JAKMIP3: variants seen among roughly 807,000 people sequenced by gnomAD.
JAKMIP3 encodes janus kinase and microtubule-interacting protein 3.
Under a neutral mutation model 118.5 loss-of-function variants are expected in JAKMIP3, and 58 were observed. That is an observed-to-expected ratio of 0.49 (90% CI 0.40 to 0.61). The LOEUF is 0.61. Ranked by LOEUF, JAKMIP3 falls within the 20% of genes least tolerant of loss-of-function variation. The pLI is 0.00. For synonymous variants in JAKMIP3, 486 were observed against 451.2 expected, an observed-to-expected ratio of 1.08 and a Z score of -0.98; for missense variants, 950 against 1,109.0, an observed-to-expected ratio of 0.86 and a Z score of 2.04.
chr10:132,087,710 ATT>A (rs1054415860), intron 1 of JAKMIP3, among the ~76,000 whole-genome samples: 1 of 142,876 alleles, frequency 7.0e-6, no homozygotes. Flanking sequence ...TGAAGTCTTG[ATT>A]TTTTTTTTTT....
chr10:132,134,995 A>G, intron 4 of JAKMIP3, 46 bp from the exon 5 acceptor site: 1 of 1,599,356 alleles, frequency 6.3e-7, no homozygotes, highest in Middle Eastern at 1.7e-4. Flanking sequence ...AAGGCTTCCC[A>G]GGCTTGTGGG....
upstream of JAKMIP3, among the ~76,000 whole-genome samples, chr10:132,065,544 C>T (rs7902748): frequency 0.51 from 77,711 of 151,618 alleles, 20,260 homozygotes; most frequent in Admixed American, 0.63. This position sits in a 1 kb window ranked among gnomAD's most constrained non-coding sequence, Gnocchi z 5.6. Context: ...GCCGAGGGGG[C>T]GGTGAGGGCA....
rs548506144 is a variant in JAKMIP3, at chr10:132,112,001, G to C, written c.136-5076G>C. On this transcript the variant is annotated intron_variant, in intron 2 of 23. Transcript: ENST00000684848. The surrounding 1 kb of genome is among the most constrained non-coding windows in gnomAD (Gnocchi z 4.3). Reference sequence around the variant, plus strand: ...GGTGTGTGGAACTGCTCTGGGACACGGGGGAGAGGAGCCAGGAGGTGTTGG... The same window carrying C: ...GGTGTGTGGAACTGCTCTGGGACACCGGGGAGAGGAGCCAGGAGGTGTTGG... Among the ~76,000 whole-genome samples, 24 of 152,150 alleles carry C rather than the reference G, an allele frequency of 1.6e-4. No homozygotes were observed. Among genetic ancestry groups the C allele is most frequent in the Non-Finnish European group, 3.1e-4 (21 of 67,998 alleles).
At chr10:132,132,038 A>G (rs530263730) in intron 3 of JAKMIP3, among the ~76,000 whole-genome samples, 10 of 152,318 alleles carry the variant, frequency 6.6e-5, no homozygotes, top group African/African-American at 2.2e-4. Flanking sequence ...GCTGATGGAC[A>G]CGCTCTTATT....
In JAKMIP3 at chr10:132,166,309, G is replaced by A. The variant is rs1036399449; in HGVS notation, c.2491-674G>A. On this transcript the variant is annotated intron_variant, in intron 21 of 23. Coordinates refer to ENST00000684848, the MANE Select transcript of JAKMIP3 (RefSeq NM_001323087.2). ...TCACTGCACTCCAGACTGGGTGACC[G>A]ACTGAGATCCTGTCTCCAAAGAAAA... is the stretch of plus-strand genomic sequence containing the variant. Among the ~76,000 whole-genome samples the A allele has an allele frequency of 5.9e-5, 9 of 152,136 alleles. No individual in the cohort carries two copies. The East Asian group carries it at 7.7e-4, about 13-fold the overall frequency.
chr10:132,064,459 C>G (rs1227139491), upstream of JAKMIP3, among the ~76,000 whole-genome samples: 1 of 152,138 alleles, frequency 6.6e-6, no homozygotes, highest in African/African-American at 2.4e-5. The surrounding 1 kb of genome is among the most constrained non-coding windows in gnomAD (Gnocchi z 4.4). Flanking sequence ...GCATGGGAAC[C>G]CTCTTTGCTT....
intron 19 of JAKMIP3, among the ~76,000 whole-genome samples, chr10:132,155,421 C>G (rs1264148356): frequency 6.6e-6 from 1 of 152,244 alleles, no homozygotes; most frequent in Non-Finnish European, 1.5e-5. Flanking sequence ...GCCATGACTG[C>G]TGCACTAGGC....
Position 132,087,640 on chromosome 10 carries a change from A to G in JAKMIP3, c.-137-17032A>G, listed in dbSNP as rs1318179504. On this transcript the variant is annotated intron_variant, in intron 1 of 23. Transcript: ENST00000684848. Reference sequence around the variant, plus strand: ...TGAAGTTCTTTCTTCTGCTTGTTTGATTCTATTGCTGAGACTTTCCAGAGC... The same window carrying G: ...TGAAGTTCTTTCTTCTGCTTGTTTGGTTCTATTGCTGAGACTTTCCAGAGC... 2.0e-5 allele frequency among the ~76,000 whole-genome samples: 3 copies of G among 150,172 alleles called. No individual in the cohort carries two copies. In the East Asian group the frequency reaches 5.9e-4, roughly 29 times the overall value.
At chr10:132,101,737 G>C (rs367651294) in intron 1 of JAKMIP3, among the ~76,000 whole-genome samples, 2 of 152,088 alleles carry the variant, frequency 1.3e-5, no homozygotes, top group Admixed American at 6.5e-5. Context: ...CCTGTGTCTC[G>C]GGGGCTGTCT....
chr10:132,076,798 CG>C (rs2040869380), intron 1 of JAKMIP3, among the ~76,000 whole-genome samples: 1 of 142,372 alleles, frequency 7.0e-6, no homozygotes, highest in Non-Finnish European at 1.5e-5. Context: ...GGCTGGCCTG[CG>C]GTGGCCCCAG....
At chr10:132,132,727 C>T (rs1048846540) in intron 3 of JAKMIP3, among the ~76,000 whole-genome samples, 1 of 152,218 alleles carries the variant, frequency 6.6e-6, no homozygotes, top group African/African-American at 2.4e-5. Context: ...TGCCCAGAAG[C>T]ATGGAGGGGC....
chr10:132,041,593 C>T (rs529469493), intron 1 of JAKMIP3, among the ~76,000 whole-genome samples: 19 of 152,344 alleles, frequency 1.2e-4, no homozygotes, highest in South Asian at 6.2e-4. Flanking sequence ...CCAGCAAGGC[C>T]GACACCCCCA....
In JAKMIP3 at chr10:132,120,267, G is replaced by T. The variant is rs2048337380; in HGVS notation, c.633+2693G>T. ...ACCAGTGTTGCCCGTGAGAGCCCCT[G>T]CCCCACCACCAACATCCAGGAACTC... On this transcript the variant is annotated intron_variant, in intron 3 of 23. Coordinates refer to ENST00000684848, the MANE Select transcript of JAKMIP3 (RefSeq NM_001323087.2). Among the ~76,000 whole-genome samples the T allele has an allele frequency of 2.0e-5, 3 of 152,190 alleles. No homozygotes were observed. The South Asian group carries it at 6.2e-4, about 32-fold the overall frequency.
At chr10:132,100,024 C>T (rs1044438040) in intron 1 of JAKMIP3, among the ~76,000 whole-genome samples, 1 of 152,220 alleles carries the variant, frequency 6.6e-6, no homozygotes, top group African/African-American at 2.4e-5. Flanking sequence ...GAGGGGCTGG[C>T]ACAGTGCTGT....
intron 1 of JAKMIP3, among the ~76,000 whole-genome samples, chr10:132,101,404 A>C (rs2044885350): frequency 1.3e-5 from 2 of 152,222 alleles, no homozygotes; most frequent in Non-Finnish European, 2.9e-5. Flanking sequence ...TGCTACGAAC[A>C]GTGGGTTAAT....
At position 132,179,310 on chromosome 10, in the gene JAKMIP3, G is replaced by A. The variant is rs1028921217; in HGVS notation, c.*1104-3047G>A. Reference sequence around the variant, plus strand: ...GCTGTATTTGTTGACGGGACTTTTGGGCTCCCCGGGCTCTGAGCTGGTTGG... The same window carrying A: ...GCTGTATTTGTTGACGGGACTTTTGAGCTCCCCGGGCTCTGAGCTGGTTGG... On this transcript the variant is annotated intron_variant, in intron 23 of 23. Transcript: ENST00000684848. The surrounding 1 kb of genome is among the most constrained non-coding windows in gnomAD (Gnocchi z 4.3). Among the ~76,000 whole-genome samples, 9 of 152,072 alleles carry A rather than the reference G, an allele frequency of 5.9e-5. No homozygotes were observed. The highest frequency in any genetic ancestry group is 1.0e-4 in the Non-Finnish European group (7 of 68,016).
intron 1 of JAKMIP3, among the ~76,000 whole-genome samples, chr10:132,089,108 T>C (rs1256945620): frequency 6.6e-6 from 1 of 152,220 alleles, no homozygotes; most frequent in Non-Finnish European, 1.5e-5. Flanking sequence ...TTGGTTACTC[T>C]AGCCTTGTAG....
At chr10:132,171,841 G>T (rs914401123) in intron 23 of JAKMIP3, among the ~76,000 whole-genome samples, 1 of 152,006 alleles carries the variant, frequency 6.6e-6, no homozygotes. Flanking sequence ...TTTTAGTAGA[G>T]ACGGGGGTTT....
chr10:132,115,707 C>G (rs887765806), intron 2 of JAKMIP3, among the ~76,000 whole-genome samples: 2 of 152,166 alleles, frequency 1.3e-5, no homozygotes, highest in Admixed American at 6.5e-5. Flanking sequence ...GATAATTTCT[C>G]TGGAAATAAG....
Sources: gnomAD v4.1 joint callset for allele counts (sites outside exome capture counted in the v4.1 genomes callset) on GRCh38, gnomAD v4.1.1 for gene constraint, Gnocchi (gnomAD v3.1) non-coding constraint, MANE v1.5 for transcripts, NCBI Gene and HGNC (gene_info 2026-07-23, HGNC 2026-07-21) for gene names.